Variants in CACNA1H observed in about 807,000 individuals in gnomAD.
CACNA1H encodes the protein voltage-dependent T-type calcium channel subunit alpha-1H.
CACNA1H carries 149 observed loss-of-function variants against 192.5 expected under a neutral mutation model. The observed-to-expected ratio is 0.77, with a 90% CI of 0.68 to 0.89. CACNA1H has a LOEUF of 0.89. CACNA1H is among the 40% of genes least tolerant of loss of function. The pLI, the probability that CACNA1H is intolerant of heterozygous loss-of-function variation, is 0.00. For missense variants in CACNA1H, 4,257 were observed against 3,423.5 expected, an observed-to-expected ratio of 1.24 and a Z score of -6.08; for synonymous variants, 2,202 against 1,475.2, an observed-to-expected ratio of 1.49 and a Z score of -11.29.
Position 1,218,384 on chromosome 16 carries a change from G to A in CACNA1H, c.5620G>A (p.Ala1874Thr), listed in dbSNP as rs767241676. The A allele has an allele frequency of 1.9e-6, 3 of 1,560,670 alleles. No homozygotes were observed. The highest frequency in any genetic ancestry group is 2.4e-5 in the South Asian group (2 of 84,524). ...EESNKEARED[A>T]ELDAEIELEM... The stretch of plus-strand genomic sequence containing the variant: ...GAGCAACAAGGAGGCACGGGAGGAT[G>A]CGGAGCTGGACGCCGAGATCGAGCT... Residue 1874 changes from alanine to threonine, a missense_variant, in exon 33 of 35, where the codon GCG becomes ACG. By Grantham distance (58) the Ala-to-Thr change is moderately conservative. Coordinates refer to ENST00000348261, the MANE Select transcript of CACNA1H (RefSeq NM_021098.3).
At position 1,221,212 on chromosome 16, in the gene CACNA1H, C is replaced by T. The variant is rs1031374090; in HGVS notation, c.*218C>T. 4 of 512,344 alleles carry T rather than the reference C, an allele frequency of 7.8e-6. No homozygotes were observed. The highest frequency in any genetic ancestry group is 3.0e-5 in the East Asian group (1 of 33,120). The allele number at this position is 512,344 out of a possible 1,614,324, so 31.7% of individuals were successfully genotyped here. On this transcript the variant is annotated 3_prime_UTR_variant, in exon 35 of 35. Transcript: ENST00000348261. ...CCGTCCGTTCTGGTTCGGGTTTCTC[C>T]GAGTTTTGCTACCAGCCGAGGCTGT...
intron 2 of CACNA1H, among the ~76,000 whole-genome samples, chr16:1,175,126 C>T (rs766140244): frequency 7.2e-5 from 11 of 151,908 alleles, no homozygotes; most frequent in African/African-American, 1.7e-4. Flanking sequence ...CGCAGGCCAA[C>T]GCCCACTGCC....
intron 2 of CACNA1H, among the ~76,000 whole-genome samples, chr16:1,192,529 C>G (rs1966714992): frequency 6.6e-6 from 1 of 152,216 alleles, no homozygotes; most frequent in Admixed American, 6.5e-5. Flanking sequence ...GTCCAGAAGT[C>G]AGCATTCCCC....
In CACNA1H at chr16:1,153,877, G is replaced by C. The variant is rs1555498163; in HGVS notation, c.140G>C (p.Gly47Ala). The part of the protein sequence containing the change: ...GREAERGSEL[G>A]VSPSESPAAE... Reference sequence around the variant, plus strand: ...GAGGCGGAGCGGGGGTCCGAGCTCGGCGTGTCACCCTCCGAGAGCCCGGCG... The same window carrying C: ...GAGGCGGAGCGGGGGTCCGAGCTCGCCGTGTCACCCTCCGAGAGCCCGGCG... The change falls in exon 2 of 35, where the codon GGC becomes GCC. Residue 47 changes from glycine to alanine, a missense_variant. Physicochemically the swap from Gly to Ala is moderately conservative, Grantham distance 60. Transcript: ENST00000348261. 7 of 1,417,542 alleles carry C rather than the reference G, an allele frequency of 4.9e-6. No individual in the cohort carries two copies. Among genetic ancestry groups the C allele is most frequent in the East Asian group, 3.1e-5 (1 of 31,900 alleles). The allele number at this position is 1,417,542 out of a possible 1,614,324, so 87.8% of individuals were successfully genotyped here.
chr16:1,184,894 C>T (rs1965828797), intron 2 of CACNA1H, among the ~76,000 whole-genome samples: 1 of 123,986 alleles, frequency 8.1e-6, no homozygotes, highest in African/African-American at 3.9e-5. Context: ...ATGGGATTAG[C>T]CATTTTTTTT....
At chr16:1,206,377 G>GT in intron 12 of CACNA1H, 88 bp downstream of exon 12, 4 of 1,287,496 alleles carry the variant, frequency 3.1e-6, no homozygotes, top group Non-Finnish European at 4.3e-6. Context: ...CGAAGGAGAA[G>GT]GAGCCCTCCC....
In CACNA1H at chr16:1,167,866, C is replaced by T. The variant is rs567563200; in HGVS notation, c.299+13830C>T. 3.5e-4 allele frequency among the ~76,000 whole-genome samples: 54 copies of T among 152,286 alleles called. No individual in the cohort carries two copies. Among genetic ancestry groups the T allele is most frequent in the African/African-American group, 3.4e-4 (14 of 41,562 alleles). On this transcript the variant is annotated intron_variant, in intron 2 of 34. Transcript: ENST00000348261. This position sits in a 1 kb window ranked among gnomAD's most constrained non-coding sequence, Gnocchi z 4.2. ...GGCCTGGCCGTCCGTCCGCGGGGCC[C>T]GGGCTGCCCATGGCAGCAGGTGCTC...
intron 2 of CACNA1H, among the ~76,000 whole-genome samples, chr16:1,163,187 C>G (rs1963403682): frequency 6.6e-6 from 1 of 152,250 alleles, no homozygotes; most frequent in Non-Finnish European, 1.5e-5. Flanking sequence ...AGCCACCTCC[C>G]CCAGCTCGGC....
chr16:1,175,918 C>T (rs752569040), intron 2 of CACNA1H, among the ~76,000 whole-genome samples: 1 of 152,158 alleles, frequency 6.6e-6, no homozygotes, highest in Admixed American at 6.5e-5. Flanking sequence ...CCAGTGCAGG[C>T]TCTGCAACAG....
At chr16:1,214,884 C>A in intron 27 of CACNA1H, 88 bp from the exon 28 acceptor site, 1 of 991,488 alleles carries the variant, frequency 1.0e-6, no homozygotes, top group South Asian at 1.4e-5. Flanking sequence ...GGCCGGCCAG[C>A]GGGGGCACTC....
At chr16:1,202,561 G>C (rs1968093450) in intron 9 of CACNA1H, 109 bp downstream of exon 9, 6 of 991,920 alleles carry the variant, frequency 6.0e-6, no homozygotes, top group Non-Finnish European at 8.6e-6. Context: ...GATGAGCCCA[G>C]CTTTGACTTG....
intron 5 of CACNA1H, among the ~76,000 whole-genome samples, chr16:1,197,590 C>G (rs1967138263): frequency 6.6e-6 from 1 of 152,222 alleles, no homozygotes; most frequent in Non-Finnish European, 1.5e-5. Flanking sequence ...GGCTAGGGGT[C>G]CACTCTGACC....
At position 1,196,077 on chromosome 16, in the gene CACNA1H, GC is replaced by G; in HGVS notation, c.643+57del. 5 of 1,397,154 alleles carry G rather than the reference GC, an allele frequency of 3.6e-6. No individual in the cohort carries two copies. In the South Asian group the frequency reaches 5.8e-5, roughly 16 times the overall value. 86.5% of individuals were successfully genotyped at this position (1,397,154 alleles called of 1,614,324 possible). A position where few individuals can be genotyped will look rare whatever the true frequency, so the allele number is the denominator to read the frequency against. ...GATCAACAGGCTTGCGTGTCCGCCA[GC>G]CCTGCAGAGCTCTCAAAAGGGCCCC... On this transcript the variant is annotated intron_variant, in intron 5 of 34. Transcript: ENST00000348261.
intron 27 of CACNA1H, among the ~76,000 whole-genome samples, chr16:1,214,302 C>T (rs10438679): frequency 0.85 from 129,239 of 152,308 alleles, 55,077 homozygotes; most frequent in East Asian, 1. Context: ...CTTTCCTCAG[C>T]GGAAGGACTT....
Position 1,174,560 on chromosome 16 carries a change from G to A in CACNA1H, c.300-20412G>A, listed in dbSNP as rs866182622. On this transcript the variant is annotated intron_variant, in intron 2 of 34. Transcript: ENST00000348261. ...GGATGGGGTCACTGTAGCTCTCGAA[G>A]GGAAGCCCCTGCCACGCTCAGGGCT... 2.2e-4 allele frequency among the ~76,000 whole-genome samples: 33 copies of A among 152,246 alleles called. No individual in the cohort carries two copies. The Middle Eastern group carries it at 0.01, about 47-fold the overall frequency.
chr16:1,220,897 G>A lies in CACNA1H; in HGVS notation c.6965G>A (p.Arg2322Gln), dbSNP rs1468102052. ...GTCGGTGACCCCCCAGAGAAGAGGC[G>A]GGGGCTGTACCTCACAGTCCCCCAG... The part of the protein sequence containing the change: ...MPVGDPPEKR[R>Q]GLYLTVPQCP... The change falls in exon 35 of 35, where the codon CGG (arginine) becomes CAG (glutamine). Residue 2322 changes from arginine to glutamine, a missense_variant. Transcript: ENST00000348261. 2.5e-5 allele frequency: 41 copies of A among 1,612,240 alleles called. No individual in the cohort carries two copies. Among genetic ancestry groups the A allele is most frequent in the Non-Finnish European group, 3.1e-5 (37 of 1,179,608 alleles).
chr16:1,189,494 G>C (rs1164990543), intron 2 of CACNA1H, among the ~76,000 whole-genome samples: 2 of 137,118 alleles, frequency 1.5e-5, no homozygotes, highest in African/African-American at 5.3e-5. Flanking sequence ...GTGGCTCACT[G>C]TAGCTTCCAC....
chr16:1,186,689 C>T (rs1249295125), intron 2 of CACNA1H, among the ~76,000 whole-genome samples: 2 of 152,144 alleles, frequency 1.3e-5, no homozygotes, highest in African/African-American at 2.4e-5. Context: ...GGCTCGGTCC[C>T]GATGCCCGTG....
chr16:1,205,117 G>A lies in CACNA1H; in HGVS notation c.2455G>A (p.Glu819Lys), dbSNP rs375165169. ...SMGVEYHEQPEELTNALEISN... is the reference protein window; with the variant it reads ...SMGVEYHEQPKELTNALEISN... Reference sequence around the variant, plus strand: ...CTGTCCCCACCTCTGCCTGCAGCCCGAGGAGCTGACTAATGCTCTGGAGAT... The same window carrying A: ...CTGTCCCCACCTCTGCCTGCAGCCCAAGGAGCTGACTAATGCTCTGGAGAT... The change falls in exon 11 of 35, where the codon GAG becomes AAG. Residue 819 changes from glutamate (E) to lysine (K), a missense_variant. Coordinates refer to ENST00000348261, the MANE Select transcript of CACNA1H (RefSeq NM_021098.3). The A allele has an allele frequency of 3.5e-5, 57 of 1,611,202 alleles. No homozygotes were observed. Among genetic ancestry groups the A allele is most frequent in the Admixed American group, 1.0e-4 (6 of 59,928 alleles).
Sources: gnomAD v4.1 joint callset for allele counts (sites outside exome capture counted in the v4.1 genomes callset) on GRCh38, gnomAD v4.1.1 for gene constraint, Gnocchi (gnomAD v3.1) non-coding constraint, MANE v1.5 for transcripts, NCBI Gene and HGNC (gene_info 2026-07-23, HGNC 2026-07-21) for gene names.